ZDHHC3: variants seen among roughly 807,000 people sequenced by gnomAD.
ZDHHC3 encodes the protein zDHHC palmitoyltransferase 3, also known as palmitoyltransferase ZDHHC3.
Under a neutral mutation model 30.6 loss-of-function variants are expected in ZDHHC3, and 9 were observed. The observed-to-expected ratio is 0.29, with a 90% confidence interval of 0.18 to 0.51. The LOEUF is 0.51. Ranked by LOEUF, ZDHHC3 falls within the 20% of genes least tolerant of loss-of-function variation. The pLI is 0.97. For missense variants in ZDHHC3, 246 were observed against 384.2 expected, an observed-to-expected ratio of 0.64 and a Z score of 3.01; for synonymous variants, 136 against 140.2, an observed-to-expected ratio of 0.97 and a Z score of 0.21.
chr3:44,933,252 A>C, intron 4 of ZDHHC3, 53 bp from the exon 5 acceptor site: 346 of 1,568,082 alleles, frequency 2.2e-4, no homozygotes, highest in Non-Finnish European at 2.8e-4. Context: ...CTCTGACCTC[A>C]CGGGCTCCCG....
intron 3 of ZDHHC3, among the ~76,000 whole-genome samples, chr3:44,936,878 C>T (rs997463271): frequency 4.7e-5 from 7 of 147,836 alleles, no homozygotes; most frequent in Admixed American, 4.1e-4. Context: ...AGTTAAAACC[C>T]CCCCCCAAAA....
Position 44,921,764 on chromosome 3 carries a change from T to G in ZDHHC3, c.*4925A>C. 1 of 973,870 alleles carries G rather than the reference T, an allele frequency of 1.0e-6. No individual in the cohort carries two copies. The highest frequency in any genetic ancestry group is 1.2e-6 in the Non-Finnish European group (1 of 819,490). The allele number at this position is 973,870 out of a possible 1,614,324, so 60.3% of individuals were successfully genotyped here. A position where few individuals can be genotyped will look rare whatever the true frequency, so the allele number is the denominator to read the frequency against. ...ACTGCTCAAGGTCATATTTTGGTAG[T>G]AGGTGCGGTAATAAGTAGCCAAGCA... On this transcript the variant is annotated 3_prime_UTR_variant, in exon 7 of 7. Coordinates refer to ENST00000424952, the MANE Select transcript of ZDHHC3 (RefSeq NM_001135179.2).
chr3:44,920,899 T>C lies in ZDHHC3; in HGVS notation c.*5790A>G, dbSNP rs1159806469. ...GACTTTTGAGTCTAGAAAGAAAATA[T>C]TGCAAACAAATCCGATGTATAAAAA... On this transcript the variant is annotated 3_prime_UTR_variant, in exon 7 of 7. Coordinates refer to ENST00000424952, the MANE Select transcript of ZDHHC3 (RefSeq NM_001135179.2). The C allele has an allele frequency of 5.1e-6, 5 of 985,286 alleles. No individual in the cohort carries two copies. The highest frequency in any genetic ancestry group is 9.4e-5 in the South Asian group (2 of 21,288). 61.0% of individuals were successfully genotyped at this position (985,286 alleles called of 1,614,324 possible).
intron 1 of ZDHHC3, among the ~76,000 whole-genome samples, chr3:44,973,790 C>T (rs570164246): frequency 7.2e-5 from 11 of 152,304 alleles, no homozygotes; most frequent in African/African-American, 2.4e-4. Flanking sequence ...TAGAACAATG[C>T]TTGGCATACA....
chr3:44,951,891 C>T (rs1703487285), intron 2 of ZDHHC3, among the ~76,000 whole-genome samples: 1 of 152,202 alleles, frequency 6.6e-6, no homozygotes, highest in African/African-American at 2.4e-5. Context: ...TGCCTCTCCC[C>T]TCCTCTTGGA....
chr3:44,951,529 T>C (rs1160691700), intron 2 of ZDHHC3, among the ~76,000 whole-genome samples: 1 of 152,152 alleles, frequency 6.6e-6, no homozygotes, highest in Non-Finnish European at 1.5e-5. Flanking sequence ...ATATTCCTCA[T>C]CTCACTGCCT....
chr3:44,956,057 A>G (rs1703927235), intron 2 of ZDHHC3, among the ~76,000 whole-genome samples: 1 of 152,190 alleles, frequency 6.6e-6, no homozygotes, highest in African/African-American at 2.4e-5. Context: ...CTGGCAACAC[A>G]CCACAGTGAG....
intron 3 of ZDHHC3, among the ~76,000 whole-genome samples, chr3:44,934,959 G>T (rs1304131288): frequency 6.7e-6 from 1 of 149,774 alleles, no homozygotes; most frequent in African/African-American, 2.5e-5. Context: ...TCATTAATTT[G>T]CACATTTCTA....
At chr3:44,968,691 G>A (rs1705160136) in intron 1 of ZDHHC3, among the ~76,000 whole-genome samples, 1 of 152,164 alleles carries the variant, frequency 6.6e-6, no homozygotes, top group Non-Finnish European at 1.5e-5. Flanking sequence ...GTGTGACCCT[G>A]TCAAACAAAC....
intron 2 of ZDHHC3, among the ~76,000 whole-genome samples, chr3:44,945,890 A>G (rs1702887359): frequency 6.6e-6 from 1 of 152,192 alleles, no homozygotes; most frequent in African/African-American, 2.4e-5. Flanking sequence ...CTAAACAGTG[A>G]CATTGTTCCT....
intron 6 of ZDHHC3, among the ~76,000 whole-genome samples, chr3:44,927,357 A>AT (rs1701081733): frequency 6.6e-6 from 1 of 152,254 alleles, no homozygotes; most frequent in Non-Finnish European, 1.5e-5. Context: ...ACAAAAAAAA[A>AT]GTAACAAATC....
chr3:44,965,469 TC>T (rs1366982055), intron 1 of ZDHHC3, among the ~76,000 whole-genome samples: 2 of 152,102 alleles, frequency 1.3e-5, no homozygotes, highest in African/African-American at 4.8e-5. Flanking sequence ...AATGCCAAGC[TC>T]TCAGGCCCCA....
intron 2 of ZDHHC3, among the ~76,000 whole-genome samples, chr3:44,946,976 G>T (rs1452073107): frequency 6.6e-6 from 1 of 152,144 alleles, no homozygotes; most frequent in Non-Finnish European, 1.5e-5. Context: ...AGGGAGAGAT[G>T]AAAATTCCAG....
chr3:44,971,368 G>C (rs1285180968), intron 1 of ZDHHC3, among the ~76,000 whole-genome samples: 1 of 152,238 alleles, frequency 6.6e-6, no homozygotes, highest in African/African-American at 2.4e-5. Flanking sequence ...ACTGAATTAA[G>C]TGGGACATGC....
At chr3:44,971,218 T>C (rs1705375077) in intron 1 of ZDHHC3, among the ~76,000 whole-genome samples, 2 of 152,256 alleles carry the variant, frequency 1.3e-5, no homozygotes, top group South Asian at 4.1e-4. Context: ...GCATCTCCAC[T>C]GACCTTGAAT....
In ZDHHC3 at chr3:44,920,370, G is replaced by C. The variant is rs553716633; in HGVS notation, c.*6319C>G. The C allele has an allele frequency of 7.8e-7, 1 of 1,289,380 alleles. No homozygotes were observed. Among genetic ancestry groups the C allele is most frequent in the Non-Finnish European group, 1.0e-6 (1 of 988,534 alleles). 79.9% of individuals were successfully genotyped at this position (1,289,380 alleles called of 1,614,324 possible). A position where few individuals can be genotyped will look rare whatever the true frequency, so the allele number is the denominator to read the frequency against. On this transcript the variant is annotated 3_prime_UTR_variant, in exon 7 of 7. Transcript: ENST00000424952. The stretch of plus-strand genomic sequence containing the variant: ...GAAAGAGGCTTTAACTTCATAGCAC[G>C]AGAGCTGGGACATCACCATATGGCA...
rs1323361550 is a variant in ZDHHC3 at position 44,916,617 on chromosome 3, A to C, written c.*10072T>G. 1 of 152,266 alleles carries C rather than the reference A, an allele frequency of 6.6e-6. No individual in the cohort carries two copies. Among genetic ancestry groups the C allele is most frequent in the African/African-American group, 2.4e-5 (1 of 41,458 alleles). The allele number at this position is 152,266 out of a possible 1,614,324, so 9.4% of individuals were successfully genotyped here. ...GGGGAAATGGGCCAAAGAGAGGAAC[A>C]AAGGCACGTGGAGGGAGTGGGTGGT... is the stretch of plus-strand genomic sequence containing the variant. On this transcript the variant is annotated 3_prime_UTR_variant, in exon 7 of 7. Coordinates refer to ENST00000424952, the MANE Select transcript of ZDHHC3 (RefSeq NM_001135179.2).
chr3:44,971,353 G>A lies in ZDHHC3; in HGVS notation c.-25+4580C>T, dbSNP rs75430151. On this transcript the variant is annotated intron_variant, in intron 1 of 6. Transcript: ENST00000424952. Reference sequence around the variant, plus strand: ...CCATGCATTCCAAATGTATTAGGATGTATGACTGAATTAAGTGGGACATGC... The same window carrying A: ...CCATGCATTCCAAATGTATTAGGATATATGACTGAATTAAGTGGGACATGC... Among the ~76,000 whole-genome samples the A allele has an allele frequency of 7.8e-3, 1,193 of 152,334 alleles. 16 individuals are homozygous for A. Among genetic ancestry groups the A allele is most frequent in the African/African-American group, 0.027 (1,140 of 41,578 alleles).
At position 44,922,737 on chromosome 3, in the gene ZDHHC3, G is replaced by A. The variant is rs943396907; in HGVS notation, c.*3952C>T. 1.5e-4 allele frequency: 150 copies of A among 984,576 alleles called. 1 individual carries two copies. In the African/African-American group the frequency reaches 2.1e-3, roughly 14 times the overall value. The allele number at this position is 984,576 out of a possible 1,614,324, so 61.0% of individuals were successfully genotyped here. On this transcript the variant is annotated 3_prime_UTR_variant, in exon 7 of 7. Coordinates refer to ENST00000424952, the MANE Select transcript of ZDHHC3 (RefSeq NM_001135179.2). ...AGACACGGGCTGCTGGGCCCCGCTCGGTTTCTGGTTCGGTAGCCTGGGGTG... is the reference window on the plus strand; with the variant it reads ...AGACACGGGCTGCTGGGCCCCGCTCAGTTTCTGGTTCGGTAGCCTGGGGTG...
Sources: gnomAD v4.1 joint callset for allele counts (sites outside exome capture counted in the v4.1 genomes callset) on GRCh38, gnomAD v4.1.1 for gene constraint, MANE v1.5 for transcripts, NCBI Gene and HGNC (gene_info 2026-07-23, HGNC 2026-07-21) for gene names.